SCAPER: variants seen among roughly 807,000 people sequenced by gnomAD.
SCAPER encodes the protein S phase cyclin A-associated protein in the endoplasmic reticulum.
A neutral mutation model predicts 182.2 loss-of-function variants in SCAPER; 98 were observed. That is an observed-to-expected ratio of 0.54 (90% CI 0.46 to 0.64). The LOEUF (loss-of-function observed/expected upper bound fraction) is 0.64, where lower values mean the gene tolerates loss of function less well. Among genes scored for constraint, SCAPER ranks in the 30% least tolerant of loss-of-function variants. The probability of loss-of-function intolerance (pLI) is 0.00; values close to 1 mark genes in which losing one functional copy is unlikely to be tolerated. For missense variants in SCAPER, 1,432 were observed against 1,690.0 expected, an observed-to-expected ratio of 0.85 and a Z score of 2.68; for synonymous variants, 605 against 564.6, an observed-to-expected ratio of 1.07 and a Z score of -1.01.
Position 76,733,096 on chromosome 15 carries a change from C to A in SCAPER, c.2022+133G>T, listed in dbSNP as rs2061021987. ...CCCCAGGCCCAGCTGTCTTTTATTT[C>A]TTTGTCTTATGTCTTTATTTCTACA... is the stretch of plus-strand genomic sequence containing the variant. On this transcript the variant is annotated intron_variant, in intron 16 of 31. Transcript: ENST00000563290. The A allele has an allele frequency of 1.2e-5, 10 of 848,160 alleles. No individual in the cohort carries two copies. The South Asian group carries it at 1.7e-4, about 14-fold the overall frequency. 52.5% of individuals were successfully genotyped at this position (848,160 alleles called of 1,614,324 possible).
intron 23 of SCAPER, among the ~76,000 whole-genome samples, chr15:76,536,626 A>G (rs1238758492): frequency 6.6e-6 from 1 of 152,144 alleles, no homozygotes; most frequent in Non-Finnish European, 1.5e-5. Context: ...ATGGGCAAAA[A>G]CTGGAAGCAT....
chr15:76,430,065 T>C (rs1191023505), intron 26 of SCAPER, among the ~76,000 whole-genome samples: 3 of 152,198 alleles, frequency 2.0e-5, no homozygotes, highest in East Asian at 1.9e-4. Context: ...CTCCAGAGGA[T>C]GGAAGCCCCA....
At chr15:76,611,850 T>G (rs1462462271) in intron 22 of SCAPER, among the ~76,000 whole-genome samples, 1 of 152,180 alleles carries the variant, frequency 6.6e-6, no homozygotes, top group East Asian at 1.9e-4. Flanking sequence ...AACCACATGA[T>G]TATCTCAATA....
intron 26 of SCAPER, among the ~76,000 whole-genome samples, chr15:76,411,392 C>T (rs746189685): frequency 6.9e-4 from 105 of 152,072 alleles, no homozygotes; most frequent in Non-Finnish European, 5.4e-4. Context: ...TTGGGATGTT[C>T]AACTGGCAAG....
At chr15:76,729,295 T>TAC (rs57440824) in intron 16 of SCAPER, among the ~76,000 whole-genome samples, 21,403 of 144,072 alleles carry the variant, frequency 0.15, 1,559 homozygotes, top group East Asian at 0.2. Context: ...TATATACACA[T>TAC]ACACACACAC....
At chr15:76,874,567 A>G (rs894948442) in intron 2 of SCAPER, among the ~76,000 whole-genome samples, 2 of 152,206 alleles carry the variant, frequency 1.3e-5, no homozygotes, top group Admixed American at 1.3e-4. Context: ...TAAAAACAAG[A>G]GCAGGCAAAA....
chr15:76,462,197 C>T (rs1359107036), intron 25 of SCAPER, among the ~76,000 whole-genome samples: 2 of 152,194 alleles, frequency 1.3e-5, no homozygotes, highest in Admixed American at 6.5e-5. Context: ...TGCTGAAAGC[C>T]ATACAACCAG....
chr15:76,788,782 T>C (rs930131642), intron 8 of SCAPER, among the ~76,000 whole-genome samples: 1 of 152,218 alleles, frequency 6.6e-6, no homozygotes, highest in Non-Finnish European at 1.5e-5. Context: ...GAAAACAGTA[T>C]AATGAACCCC....
chr15:76,782,297 T>G lies in SCAPER; in HGVS notation c.773-7180A>C, dbSNP rs530954682. ...GATCAAAAGAGACAAAGAAGGCCAT[T>G]ACATACTAGTAAAGGGATCAATTCA... On this transcript the variant is annotated intron_variant, in intron 8 of 31. Transcript: ENST00000563290. 3.9e-5 allele frequency among the ~76,000 whole-genome samples: 6 copies of G among 152,270 alleles called. No homozygotes were observed. The South Asian group carries it at 1.2e-3, about 32-fold the overall frequency.
chr15:76,753,082 T>TGTAAGATGC (rs1221683172), intron 15 of SCAPER, among the ~76,000 whole-genome samples: 1 of 151,870 alleles, frequency 6.6e-6, no homozygotes, highest in East Asian at 1.9e-4. Context: ...ATGAACCTAT[T>TGTAAGATGC]GTAAGATGCT....
At chr15:76,823,008 C>T (rs188604139) in intron 5 of SCAPER, among the ~76,000 whole-genome samples, 1 of 152,278 alleles carries the variant, frequency 6.6e-6, no homozygotes, top group African/African-American at 2.4e-5. Flanking sequence ...CTTCCCAATA[C>T]TCTCATAAAA....
chr15:76,569,199 A>C (rs2145285591), intron 23 of SCAPER, among the ~76,000 whole-genome samples: 1 of 152,236 alleles, frequency 6.6e-6, no homozygotes, highest in Admixed American at 6.5e-5. Flanking sequence ...TGGTAGATTC[A>C]ATTTGTCAGA....
chr15:76,500,974 C>A (rs1032663204), intron 24 of SCAPER, among the ~76,000 whole-genome samples: 1 of 151,204 alleles, frequency 6.6e-6, no homozygotes, highest in Non-Finnish European at 1.5e-5. Context: ...ACCCAGGAGG[C>A]GCAAGTTACA....
intron 5 of SCAPER, among the ~76,000 whole-genome samples, chr15:76,838,157 C>T (rs1050481145): frequency 2.6e-5 from 4 of 152,242 alleles, no homozygotes; most frequent in African/African-American, 9.6e-5. Context: ...ACCTAGATGC[C>T]CATCAATGGT....
intron 22 of SCAPER, chr15:76,586,694 T>C (rs1474281225): frequency 1.3e-5 from 2 of 153,788 alleles, no homozygotes; most frequent in African/African-American, 4.8e-5. Flanking sequence ...GATACCAAAA[T>C]CAGATGCTCA....
chr15:76,606,986 T>G (rs958851579), intron 22 of SCAPER, among the ~76,000 whole-genome samples: 9 of 152,234 alleles, frequency 5.9e-5, no homozygotes, highest in Non-Finnish European at 1.2e-4. Flanking sequence ...CCAGTCTGTG[T>G]CTTTTAATTG....
At chr15:76,438,731 C>T (rs4633676) in intron 25 of SCAPER, among the ~76,000 whole-genome samples, 34,450 of 152,186 alleles carry the variant, frequency 0.23, 4,760 homozygotes, top group Admixed American at 0.36. Flanking sequence ...CCTACTTTCT[C>T]ACCATGATCT....
chr15:76,725,919 A>T (rs1007294078), intron 17 of SCAPER, among the ~76,000 whole-genome samples: 1 of 150,530 alleles, frequency 6.6e-6, no homozygotes, highest in Non-Finnish European at 1.5e-5. Context: ...ACTTCACAAC[A>T]TTGGATTTGG....
At chr15:76,641,597 A>T (rs993245239) in intron 21 of SCAPER, among the ~76,000 whole-genome samples, 3 of 152,136 alleles carry the variant, frequency 2.0e-5, no homozygotes, top group African/African-American at 7.2e-5. Flanking sequence ...ATACCAAAAT[A>T]TCTAAATATA....
Sources: gnomAD v4.1 joint callset for allele counts (sites outside exome capture counted in the v4.1 genomes callset) on GRCh38, gnomAD v4.1.1 for gene constraint, MANE v1.5 for transcripts, NCBI Gene and HGNC (gene_info 2026-07-23, HGNC 2026-07-21) for gene names.